METTL25: variants seen among roughly 807,000 people sequenced by gnomAD.
The protein encoded by METTL25 is probable methyltransferase-like protein 25.
Under a neutral mutation model 71.6 loss-of-function variants are expected in METTL25, and 64 were observed. The ratio of observed to expected loss-of-function variants is 0.89; its 90% CI spans 0.73 to 1.10. METTL25 has a LOEUF of 1.10. Ranked by LOEUF, METTL25 falls within the 50% of genes least tolerant of loss-of-function variation. METTL25 has a pLI of 0.00. For synonymous variants in METTL25, 287 were observed against 250.3 expected (o/e 1.15, Z -1.38); for missense variants, 807 against 707.0 (o/e 1.14, Z -1.60).
chr12:82,394,498 T>G (rs959344961), intron 3 of METTL25, among the ~76,000 whole-genome samples: 2 of 152,010 alleles, frequency 1.3e-5, no homozygotes, highest in Non-Finnish European at 2.9e-5. Context: ...CTTCTTAATT[T>G]TTATCTCTAA....
At chr12:82,394,406 A>C (rs1007203484) in intron 3 of METTL25, among the ~76,000 whole-genome samples, 1 of 152,172 alleles carries the variant, frequency 6.6e-6, no homozygotes, top group East Asian at 1.9e-4. Context: ...ATAGAGAACT[A>C]AACAAGAATA....
At chr12:82,400,457 C>T (rs577287744) in intron 4 of METTL25, among the ~76,000 whole-genome samples, 1 of 151,910 alleles carries the variant, frequency 6.6e-6, no homozygotes, top group African/African-American at 2.4e-5. Context: ...GGAAATTTTT[C>T]TTTTTCCCAG....
rs145968349 is a variant in METTL25, at chr12:82,380,448, T to C, written c.260-6355T>C. On this transcript the variant is annotated intron_variant, in intron 1 of 11. Transcript: ENST00000248306. ...ATGTATGTGTATGTATATATATATA[T>C]GTAGTTAAGTACATAATTGTATGTG... 9.9e-3 allele frequency among the ~76,000 whole-genome samples: 1,504 copies of C among 152,246 alleles called. 22 individuals are homozygous for C. The highest frequency in any genetic ancestry group is 0.034 in the African/African-American group (1,418 of 41,550).
rs34300467 is a variant in METTL25, at chr12:82,424,542, C to CTATA, written c.1280-6337_1280-6334dup. 4.0e-3 allele frequency among the ~76,000 whole-genome samples: 596 copies of CTATA among 148,732 alleles called. 1 individual carries two copies. Among genetic ancestry groups the CTATA allele is most frequent in the Non-Finnish European group, 7.1e-3 (476 of 67,252 alleles). ...TTAGAGCTTAAAGTATAATATAAAA[C>CTATA]TATATATATATATATATGTATAAAG... On this transcript the variant is annotated intron_variant, in intron 5 of 11. Transcript: ENST00000248306.
At chr12:82,367,723 G>A (rs1882720993) in intron 1 of METTL25, among the ~76,000 whole-genome samples, 1 of 152,044 alleles carries the variant, frequency 6.6e-6, no homozygotes, top group African/African-American at 2.4e-5. Context: ...TCATTCTTCT[G>A]CTCAAAACCC....
rs534468446 is a variant in METTL25 at position 82,403,134 on chromosome 12, C to A, written c.1279+4C>A. The A allele has an allele frequency of 7.5e-6, 12 of 1,606,540 alleles. No individual in the cohort carries two copies. In the East Asian group the frequency reaches 2.7e-4, roughly 36 times the overall value. ...GAATTTGAAAACCAGCATAAAGGTA[C>A]AAGTTCCCCATGTGTCATAATTTTT... On this transcript the variant is annotated splice_donor_region_variant and intron_variant, in intron 5 of 11. Coordinates refer to ENST00000248306, the MANE Select transcript of METTL25 (RefSeq NM_032230.3).
intron 1 of METTL25, among the ~76,000 whole-genome samples, chr12:82,385,558 C>A (rs1325229236): frequency 2.0e-5 from 3 of 151,984 alleles, no homozygotes; most frequent in Non-Finnish European, 4.4e-5. Context: ...CTATTGAGCT[C>A]CTTTGAACCA....
At chr12:82,462,950 A>G (rs780123951) in intron 9 of METTL25, among the ~76,000 whole-genome samples, 4 of 152,064 alleles carry the variant, frequency 2.6e-5, no homozygotes, top group Non-Finnish European at 4.4e-5. Flanking sequence ...TTTTAAATGG[A>G]CACATAATAA....
chr12:82,416,480 G>T (rs1031260099), intron 5 of METTL25, among the ~76,000 whole-genome samples: 3 of 127,644 alleles, frequency 2.4e-5, no homozygotes, highest in Admixed American at 9.1e-5. Context: ...GTCTCACTCT[G>T]TTGTCCAGGC....
intron 11 of METTL25, 112 bp from the exon 12 acceptor site, chr12:82,478,820 T>A: frequency 1.2e-6 from 1 of 815,624 alleles, no homozygotes; most frequent in Non-Finnish European, 1.9e-6. Flanking sequence ...GAATTTTCTG[T>A]GAAACAGCTT....
rs564060241 is a variant in METTL25, at chr12:82,430,896, G to A, written c.1283G>A (p.Arg428His). ...CGTATTTTTCCCCCATCTGCAGAAC[G>A]TACTCAGGAAAAGTGGGGATTTCCA... ...SEEFENQHKE[R>H]TQEKWGFPMC... The change falls in exon 6 of 12, where the codon CGT becomes CAT. Residue 428 changes from arginine (R) to histidine (H), a missense_variant. Physicochemically the swap from Arg to His is conservative, Grantham distance 29. Transcript: ENST00000248306. The A allele has an allele frequency of 6.4e-6, 10 of 1,564,586 alleles. No homozygotes were observed. In the South Asian group the frequency reaches 6.9e-5, roughly 11 times the overall value.
chr12:82,473,428 G>A (rs1215618473), intron 9 of METTL25, among the ~76,000 whole-genome samples: 1 of 152,136 alleles, frequency 6.6e-6, no homozygotes, highest in African/African-American at 2.4e-5. Context: ...TCAAGCCTGG[G>A]ATGTAGGCAC....
In METTL25 at chr12:82,406,639, A is replaced by G. The variant is rs182157302; in HGVS notation, c.1279+3509A>G. Among the ~76,000 whole-genome samples, 4 of 152,310 alleles carry G rather than the reference A, an allele frequency of 2.6e-5. No homozygotes were observed. In the East Asian group the frequency reaches 5.8e-4, roughly 22 times the overall value. On this transcript the variant is annotated intron_variant, in intron 5 of 11. Coordinates refer to ENST00000248306, the MANE Select transcript of METTL25 (RefSeq NM_032230.3). ...ATTTAGTGAACTGTTGAGCAGTTCA[A>G]TGTAGAGTTTAGAGAACATAAAATA... is the stretch of plus-strand genomic sequence containing the variant.
chr12:82,445,201 A>C (rs575248744), intron 8 of METTL25, among the ~76,000 whole-genome samples: 2 of 152,130 alleles, frequency 1.3e-5, no homozygotes, highest in Non-Finnish European at 2.9e-5. Flanking sequence ...AATATCAACA[A>C]ATTAAGAAAA....
intron 3 of METTL25, among the ~76,000 whole-genome samples, chr12:82,390,526 G>A (rs976321266): frequency 1.3e-5 from 2 of 152,030 alleles, no homozygotes; most frequent in African/African-American, 2.4e-5. Context: ...TATAAAAATA[G>A]TAAGTTTTTT....
intron 5 of METTL25, among the ~76,000 whole-genome samples, chr12:82,406,745 A>G (rs1384353577): frequency 6.6e-6 from 1 of 152,140 alleles, no homozygotes. Context: ...AAGACAGGGT[A>G]TTACATCTGT....
In METTL25 at chr12:82,443,007, AAAC is replaced by A. The variant is rs1331093542; in HGVS notation, c.1478+4219_1478+4221del. ...AAAATATCTACAATGAGGGATCAAA[AAAC>A]AAAAAAAAAAGCTAGAGAATAGAAA... On this transcript the variant is annotated intron_variant, in intron 8 of 11. Transcript: ENST00000248306. Among the ~76,000 whole-genome samples the A allele has an allele frequency of 1.4e-4, 21 of 151,924 alleles. No individual in the cohort carries two copies. In the East Asian group the frequency reaches 3.9e-3, roughly 28 times the overall value.
chr12:82,474,682 G>C (rs1332343735), intron 9 of METTL25: 2 of 151,958 alleles, frequency 1.3e-5, no homozygotes, highest in Non-Finnish European at 2.9e-5. Context: ...TGGCTTTTTT[G>C]CATCAAACAT....
intron 9 of METTL25, chr12:82,468,873 C>T (rs1174253315): frequency 3.3e-5 from 5 of 152,120 alleles, no homozygotes. Context: ...TCTGGAGTCT[C>T]TAACCTCTGC....
Sources: allele counts gnomAD v4.1 joint callset (sites outside exome capture counted in the v4.1 genomes callset), GRCh38; gene constraint gnomAD v4.1.1; transcripts MANE v1.5; gene names NCBI Gene and HGNC (gene_info 2026-07-23, HGNC 2026-07-21).